The following C12orf42 variants were observed in gnomAD, a reference collection of about 807,000 sequenced individuals.
C12orf42 encodes the protein chromosome 12 open reading frame 42.
Under a neutral mutation model 21.6 loss-of-function variants are expected in C12orf42, and 25 were observed. The ratio of observed to expected loss-of-function variants is 1.16; its 90% CI spans 0.84 to 1.62. The LOEUF is 1.62. Ranked by LOEUF, C12orf42 falls within the 40% of genes most tolerant of loss-of-function variation. The probability of loss-of-function intolerance (pLI) is 0.00; values close to 1 mark genes in which losing one functional copy is unlikely to be tolerated. For missense variants in C12orf42, 483 were observed against 459.3 expected, an observed-to-expected ratio of 1.05 and a Z score of -0.47; for synonymous variants, 174 against 175.0, an observed-to-expected ratio of 0.99 and a Z score of 0.05.
chr12:103,075,292 C>CT, the C12orf42 span, among the ~76,000 whole-genome samples: 1,780 of 152,158 alleles, frequency 0.012, 40 homozygotes, highest in African/African-American at 0.041. Context: ...TATTTATTCC[C>CT]TTTTTTTCCT....
the C12orf42 span, chr12:103,167,912 GTT>G: frequency 7.0e-3 from 1,669 of 237,256 alleles, 50 homozygotes; most frequent in African/African-American, 0.063. Flanking sequence ...GTGTGTGTGT[GTT>G]TGTGTCTGTG....
At chr12:103,053,310 C>T in the C12orf42 span, among the ~76,000 whole-genome samples, 2 of 151,924 alleles carry the variant, frequency 1.3e-5, no homozygotes, top group African/African-American at 2.4e-5. Flanking sequence ...AGGATATTGA[C>T]ATTAAAACTC....
the C12orf42 span, among the ~76,000 whole-genome samples, chr12:103,086,906 G>A: frequency 1.4e-4 from 21 of 152,174 alleles, no homozygotes; most frequent in Non-Finnish European, 2.5e-4. Flanking sequence ...GTACAAGTTT[G>A]GAAGTTGGCA....
intron 2 of C12orf42, among the ~76,000 whole-genome samples, chr12:103,472,695 G>C (rs1311908335): frequency 6.6e-6 from 1 of 152,154 alleles, no homozygotes; most frequent in African/African-American, 2.4e-5. Context: ...AGAACTAAAA[G>C]TGCACAAGAC....
chr12:103,373,535 T>G (rs563568715), intron 3 of C12orf42, among the ~76,000 whole-genome samples: 1 of 152,300 alleles, frequency 6.6e-6, no homozygotes, highest in South Asian at 2.1e-4. Flanking sequence ...GAAGGCATAT[T>G]TTCTTTCTCT....
At chr12:103,357,496 C>T (rs2043696143) in intron 4 of C12orf42, among the ~76,000 whole-genome samples, 1 of 151,966 alleles carries the variant, frequency 6.6e-6, no homozygotes, top group Admixed American at 6.6e-5. Context: ...GAGGAATGCT[C>T]CATCTGTCTG....
At chr12:103,106,672 A>G in the C12orf42 span, among the ~76,000 whole-genome samples, 1 of 151,894 alleles carries the variant, frequency 6.6e-6, no homozygotes, top group African/African-American at 2.4e-5. Context: ...TAGTCGGGGA[A>G]AAGAAGGAAT....
At chr12:103,070,650 A>G in the C12orf42 span, among the ~76,000 whole-genome samples, 1 of 152,126 alleles carries the variant, frequency 6.6e-6, no homozygotes, top group Admixed American at 6.6e-5. Context: ...AAATTGTTCT[A>G]TGTGCCAAGA....
chr12:103,060,666 C>T, the C12orf42 span, among the ~76,000 whole-genome samples: 1 of 152,112 alleles, frequency 6.6e-6, no homozygotes, highest in East Asian at 1.9e-4. Context: ...CTCAGAAAAA[C>T]ACTGCATATC....
the C12orf42 span, among the ~76,000 whole-genome samples, chr12:103,178,937 C>T: frequency 3.3e-5 from 5 of 152,178 alleles, no homozygotes; most frequent in African/African-American, 1.2e-4. Flanking sequence ...GTTTTGATCT[C>T]CATGATGCCA....
chr12:103,096,321 G>A, the C12orf42 span, among the ~76,000 whole-genome samples: 1 of 152,076 alleles, frequency 6.6e-6, no homozygotes, highest in Non-Finnish European at 1.5e-5. Flanking sequence ...TTTCAATTTA[G>A]GTGTATTTTT....
At chr12:103,385,010 C>G (rs945769775) in intron 3 of C12orf42, among the ~76,000 whole-genome samples, 1 of 152,044 alleles carries the variant, frequency 6.6e-6, no homozygotes, top group Admixed American at 6.6e-5. Context: ...TACTAAGTAC[C>G]AATAATTTCA....
At chr12:103,296,180 A>G (rs1222629759) in intron 4 of C12orf42, among the ~76,000 whole-genome samples, 1 of 151,918 alleles carries the variant, frequency 6.6e-6, no homozygotes, top group Non-Finnish European at 1.5e-5. Context: ...ATGTCCCTAC[A>G]AAGGACATGA....
the C12orf42 span, among the ~76,000 whole-genome samples, chr12:103,050,621 G>A: frequency 1.3e-5 from 2 of 151,662 alleles, no homozygotes; most frequent in South Asian, 2.1e-4. Context: ...ATGTCATTTC[G>A]TGCCAGGACA....
chr12:103,209,768 C>T, the C12orf42 span, among the ~76,000 whole-genome samples: 2 of 152,194 alleles, frequency 1.3e-5, no homozygotes, highest in Non-Finnish European at 1.5e-5. Context: ...TTGTGCATGG[C>T]CAGTCAAGCC....
chr12:103,269,496 T>C (rs2035336806), intron 6 of C12orf42, among the ~76,000 whole-genome samples: 1 of 152,188 alleles, frequency 6.6e-6, no homozygotes, highest in African/African-American at 2.4e-5. Context: ...GTCTATTTCA[T>C]TAATATCCCC....
intron 4 of C12orf42, among the ~76,000 whole-genome samples, chr12:103,332,241 C>T (rs529291960): frequency 4.6e-5 from 7 of 152,212 alleles, no homozygotes; most frequent in Non-Finnish European, 7.4e-5. Context: ...CCATTTCACG[C>T]GTAATGAAAC....
chr12:103,187,662 C>T, the C12orf42 span, among the ~76,000 whole-genome samples: 1 of 152,212 alleles, frequency 6.6e-6, no homozygotes, highest in East Asian at 1.9e-4. Flanking sequence ...GTTATCTATA[C>T]TTGGGCAATT....
At position 103,294,463 on chromosome 12, in the gene C12orf42, A is replaced by AAAG. The variant is rs1555245953; in HGVS notation, n.338-17256_338-17254dup. On this transcript the variant is annotated intron_variant and non_coding_transcript_variant, in intron 4 of 6. Coordinates refer to the C12orf42 transcript ENST00000546526. ...GAAAGAAAGAAAGAAAGAAAGAAAG[A>AAAG]AAGAAAGAAATAAGCAAGCAAGCAA... Among the ~76,000 whole-genome samples the AAAG allele has an allele frequency of 3.9e-3, 530 of 134,200 alleles. 7 individuals are homozygous for AAAG. Among genetic ancestry groups the AAAG allele is most frequent in the African/African-American group, 0.015 (478 of 32,146 alleles). The allele number at this position is 134,200 out of a possible 152,430, so 88.0% of individuals were successfully genotyped here.
Sources: allele counts gnomAD v4.1 joint callset (sites outside exome capture counted in the v4.1 genomes callset), GRCh38; gene constraint gnomAD v4.1.1; transcripts MANE v1.5; gene names NCBI Gene and HGNC (gene_info 2026-07-23, HGNC 2026-07-21).